The following FREM2 variants were observed in gnomAD, a reference collection of about 807,000 sequenced individuals.
FREM2 encodes the protein FRAS1 related extracellular matrix 2.
FREM2 carries 119 observed loss-of-function variants against 219.9 expected under a neutral mutation model. That is an observed-to-expected ratio of 0.54 (90% CI 0.47 to 0.63). FREM2 has a LOEUF of 0.63. Among genes scored for constraint, FREM2 ranks in the 30% least tolerant of loss-of-function variants. The pLI is 0.00. For synonymous variants in FREM2, 1,562 were observed against 1,522.8 expected (o/e 1.03, Z -0.60); for missense variants, 4,030 against 3,993.6 (o/e 1.01, Z -0.25).
chr13:38,848,697 A>G (rs1256040822), intron 8 of FREM2, 27 bp downstream of exon 8: 3 of 1,535,028 alleles, frequency 2.0e-6, no homozygotes, highest in Non-Finnish European at 1.8e-6. Context: ...TTTATAATTT[A>G]CAATGATAAT....
chr13:38,699,993 A>G (rs901724845), intron 2 of FREM2, among the ~76,000 whole-genome samples: 1 of 152,138 alleles, frequency 6.6e-6, no homozygotes, highest in African/African-American at 2.4e-5. Flanking sequence ...AAGTCAGGGC[A>G]CAATGGCATA....
chr13:38,880,110 A>T (rs944241363), intron 23 of FREM2, among the ~76,000 whole-genome samples, 174 bp from the exon 24 acceptor site: 1 of 152,244 alleles, frequency 6.6e-6, no homozygotes, highest in Non-Finnish European at 1.5e-5. Context: ...TATATCACAG[A>T]GTGCTTTGCA....
chr13:38,864,421 A>G lies in FREM2; in HGVS notation c.7798A>G (p.Thr2600Ala), dbSNP rs1877880746. 1 of 1,614,166 alleles carries G rather than the reference A, an allele frequency of 6.2e-7. No individual in the cohort carries two copies. The highest frequency in any genetic ancestry group is 2.2e-5 in the East Asian group (1 of 44,882). ...TCATTATGGTTTCTTGACTGATGCT[A>G]CCAAAAATCCAGAAATAATTGGAGA... ...KTHYGFLTDA[T>A]KNPEIIGETY... Residue 2600 changes from threonine (T) to alanine (A), a missense_variant, in exon 16 of 24, where the codon ACC becomes GCC. By Grantham distance (58) the Thr-to-Ala change is moderately conservative. This residue lies in a region of FREM2 where 928 missense variants were observed against 1,042.9 expected (regional missense o/e 0.89). Transcript: ENST00000280481.
At position 38,880,457 on chromosome 13, in the gene FREM2, A is replaced by G. The variant is rs1365712295; in HGVS notation, c.9180A>G (p.Ser3060=). 6.2e-7 allele frequency: 1 copy of G among 1,614,096 alleles called. No homozygotes were observed. The highest frequency in any genetic ancestry group is 8.5e-7 in the Non-Finnish European group (1 of 1,180,010). ...RKKREIRSTP[S]LAWEIGAENS... is the part of the protein sequence containing the mutation. ...AGAGAGAGATCAGGAGCACACCCTC[A>G]CTGGCATGGGAGATTGGTGCTGAAA... Residue 3060 remains serine (S), a synonymous_variant, in exon 24 of 24, where the codon TCA becomes TCG. Coordinates refer to ENST00000280481, the MANE Select transcript of FREM2 (RefSeq NM_207361.6).
chr13:38,859,335 G>A lies in FREM2; in HGVS notation c.7264G>A (p.Ala2422Thr), dbSNP rs1877672541. 5 of 1,614,054 alleles carry A rather than the reference G, an allele frequency of 3.1e-6. No individual in the cohort carries two copies. Among genetic ancestry groups the A allele is most frequent in the Non-Finnish European group, 4.2e-6 (5 of 1,180,036 alleles). Residue 2422 changes from alanine to threonine, a missense_variant, in exon 14 of 24, where the codon GCA (alanine) becomes ACA (threonine). Ala to Thr is a moderately conservative substitution (Grantham distance 58). Around this residue, in one of 2 missense-constraint regions of FREM2, gnomAD observed 928 missense variants for 1,042.9 expected, o/e 0.89. Transcript: ENST00000280481. ...SDYDKTGSIC[A>T]SENINDTLTR... ...CTACGATAAAACAGGCTCTATCTGT[G>A]CAAGTGAGAACATCAATGACACTTT...
At position 38,689,726 on chromosome 13, in the gene FREM2, C is replaced by T. The variant is rs779270736; in HGVS notation, c.2382C>T (p.Gly794=). 15 of 1,613,200 alleles carry T rather than the reference C, an allele frequency of 9.3e-6. No homozygotes were observed. The highest frequency in any genetic ancestry group is 8.0e-5 in the African/African-American group (6 of 74,896). Reference sequence around the variant, plus strand: ...ACAGACCCCCGGGTCAAGAACTGGGCGTGGCTACTCGAGTGGCCCAGTTCC... The same window carrying T: ...ACAGACCCCCGGGTCAAGAACTGGGTGTGGCTACTCGAGTGGCCCAGTTCC... The part of the protein sequence containing the change: ...IAYRPPGQEL[G]VATRVAQFQF... Residue 794 remains glycine, a synonymous_variant, in exon 1 of 24, where the codon GGC becomes GGT. Coordinates refer to ENST00000280481, the MANE Select transcript of FREM2 (RefSeq NM_207361.6).
At chr13:38,812,719 A>G (rs1875541176) in intron 6 of FREM2, among the ~76,000 whole-genome samples, 2 of 152,034 alleles carry the variant, frequency 1.3e-5, no homozygotes, top group East Asian at 1.9e-4. Context: ...TGTCTCTACA[A>G]TAAAACTACA....
At chr13:38,757,330 C>T (rs576385521) in intron 2 of FREM2, among the ~76,000 whole-genome samples, 1 of 152,292 alleles carries the variant, frequency 6.6e-6, no homozygotes, top group Admixed American at 6.5e-5. Context: ...CACCCATCTC[C>T]ACCTCCATGT....
chr13:38,834,895 G>A (rs1319370828), intron 6 of FREM2, among the ~76,000 whole-genome samples: 1 of 152,138 alleles, frequency 6.6e-6, no homozygotes, highest in African/African-American at 2.4e-5. Flanking sequence ...CCATTCTGTA[G>A]GTTGCCTGTT....
chr13:38,736,638 GGAA>G (rs1306601314), intron 2 of FREM2, among the ~76,000 whole-genome samples: 1 of 152,014 alleles, frequency 6.6e-6, no homozygotes, highest in Non-Finnish European at 1.5e-5. Context: ...TGAGGATTAT[GGAA>G]GAAGGAGACC....
chr13:38,847,091 T>C (rs550195371), intron 7 of FREM2, among the ~76,000 whole-genome samples: 1 of 152,222 alleles, frequency 6.6e-6, no homozygotes, highest in Non-Finnish European at 1.5e-5. Flanking sequence ...ACCTATGACA[T>C]TTAGGTATTA....
intron 6 of FREM2, among the ~76,000 whole-genome samples, chr13:38,841,836 A>C (rs1455425450): frequency 2.6e-5 from 4 of 152,188 alleles, no homozygotes; most frequent in Non-Finnish European, 4.4e-5. Context: ...TATTGATTGC[A>C]CACCTATTGC....
Position 38,775,201 on chromosome 13 carries a change from T to G in FREM2, c.5641+5393T>G, listed in dbSNP as rs182910047. The stretch of plus-strand genomic sequence containing the variant: ...TGACTACAATATGAAACTCAAACAT[T>G]CATTCTTATTTTTGAAATTCTACAC... On this transcript the variant is annotated intron_variant, in intron 4 of 23. Coordinates refer to ENST00000280481, the MANE Select transcript of FREM2 (RefSeq NM_207361.6). Among the ~76,000 whole-genome samples, 10 of 152,282 alleles carry G rather than the reference T, an allele frequency of 6.6e-5. No individual in the cohort carries two copies. In the East Asian group the frequency reaches 1.9e-3, roughly 29 times the overall value.
chr13:38,724,774 T>TGCA (rs1487056883), intron 2 of FREM2, among the ~76,000 whole-genome samples: 3 of 152,186 alleles, frequency 2.0e-5, no homozygotes, highest in Non-Finnish European at 4.4e-5. Flanking sequence ...GCAAGAAGGC[T>TGCA]GCAGCACACT....
Position 38,784,758 on chromosome 13 carries a change from G to T in FREM2, c.5969G>T (p.Gly1990Val). 1 of 1,614,156 alleles carries T rather than the reference G, an allele frequency of 6.2e-7. No homozygotes were observed. The highest frequency in any genetic ancestry group is 8.5e-7 in the Non-Finnish European group (1 of 1,180,002). ...LLSMPMGGRI[G>V]SEFPGAQVTI... ...AGCATGCCCATGGGGGGAAGAATCG[G>T]ATCAGAGTTCCCAGGGGCTCAAGTT... Residue 1990 changes from glycine (G) to valine (V), a missense_variant, in exon 6 of 24, where the codon GGA becomes GTA. Physicochemically the swap from Gly to Val is moderately radical, Grantham distance 109. Coordinates refer to ENST00000280481, the MANE Select transcript of FREM2 (RefSeq NM_207361.6).
At chr13:38,768,731 C>T (rs1052361411) in intron 3 of FREM2, among the ~76,000 whole-genome samples, 2 of 152,110 alleles carry the variant, frequency 1.3e-5, no homozygotes, top group African/African-American at 4.8e-5. Context: ...GTACCATTGC[C>T]GTTTTATAAT....
chr13:38,834,090 A>T (rs1876616597), intron 6 of FREM2, among the ~76,000 whole-genome samples: 1 of 152,120 alleles, frequency 6.6e-6, no homozygotes, highest in Non-Finnish European at 1.5e-5. Context: ...ACATAGGTAT[A>T]CATGTGCTGT....
intron 4 of FREM2, among the ~76,000 whole-genome samples, chr13:38,781,205 C>A (rs1389948304): frequency 6.6e-6 from 1 of 152,130 alleles, no homozygotes; most frequent in Non-Finnish European, 1.5e-5. Flanking sequence ...TCCTTGTACA[C>A]ACTTGGCACA....
Position 38,687,475 on chromosome 13 carries a change from T to G in FREM2, c.131T>G (p.Val44Gly). Residue 44 changes from valine to glycine, a missense_variant, in exon 1 of 24, where the codon GTC becomes GGC. Coordinates refer to ENST00000280481, the MANE Select transcript of FREM2 (RefSeq NM_207361.6). ...CTTCTCCTGTCACTGGTAAGCCGCG[T>G]CCCGGCACAGCCCGCTGCCTTCGGC... ...LLLLLSLVSR[V>G]PAQPAAFGRA... 6.3e-7 allele frequency: 1 copy of G among 1,592,058 alleles called. No individual in the cohort carries two copies. The highest frequency in any genetic ancestry group is 8.5e-7 in the Non-Finnish European group (1 of 1,170,010).
Sources: allele counts gnomAD v4.1 joint callset (sites outside exome capture counted in the v4.1 genomes callset), GRCh38; gene constraint gnomAD v4.1.1; regional missense constraint gnomAD v4.1.1; transcripts MANE v1.5; gene names NCBI Gene and HGNC (gene_info 2026-07-23, HGNC 2026-07-21).